ANXA8: variants seen among roughly 807,000 people sequenced by gnomAD.
The protein encoded by ANXA8 is VAC-beta.
A neutral mutation model predicts 26.8 loss-of-function variants in ANXA8; 9 were observed. The observed-to-expected ratio is 0.34, with a 90% CI of 0.20 to 0.59. The LOEUF (loss-of-function observed/expected upper bound fraction) is 0.59, where lower values mean the gene tolerates loss of function less well. ANXA8 is among the 20% of genes least tolerant of loss of function. The pLI, the probability that ANXA8 is intolerant of heterozygous loss-of-function variation, is 0.84. For synonymous variants in ANXA8, 39 were observed against 94.8 expected (o/e 0.41, Z 3.42); for missense variants, 83 against 238.5 (o/e 0.35, Z 4.29).
At chr10:47,673,506 C>A in the ANXA8 span, among the ~76,000 whole-genome samples, 1 of 146,924 alleles carries the variant, frequency 6.8e-6, no homozygotes, top group Non-Finnish European at 1.5e-5. Context: ...AAGGAAGCTG[C>A]CCTCCAGAAG....
At chr10:47,519,742 G>A in the ANXA8 span, among the ~76,000 whole-genome samples, 1 of 12,636 alleles carries the variant, frequency 7.9e-5, no homozygotes, top group Admixed American at 9.9e-4. Context: ...CTCAAGATGG[G>A]CAAAGTCTAC....
the ANXA8 span, among the ~76,000 whole-genome samples, chr10:47,674,001 A>C: frequency 6.6e-6 from 1 of 151,358 alleles, no homozygotes; most frequent in Non-Finnish European, 1.5e-5. Flanking sequence ...GTTTTTGATG[A>C]CTGACAGTTT....
the ANXA8 span, among the ~76,000 whole-genome samples, chr10:47,707,176 AAAAAAAAAC>A: frequency 1.2e-5 from 1 of 83,116 alleles, no homozygotes; most frequent in Non-Finnish European, 2.1e-5. Flanking sequence ...TCAAAAAAAC[AAAAAAAAAC>A]AAAAAAAAGA....
At chr10:47,744,914 C>T in the ANXA8 span, among the ~76,000 whole-genome samples, 1 of 151,944 alleles carries the variant, frequency 6.6e-6, no homozygotes, top group East Asian at 1.9e-4. Flanking sequence ...TAAAAATAGG[C>T]TCTGTTCAGC....
chr10:47,647,633 G>A, the ANXA8 span, among the ~76,000 whole-genome samples: 1 of 149,232 alleles, frequency 6.7e-6, no homozygotes, highest in Non-Finnish European at 1.5e-5. Context: ...TGGGACCAGG[G>A]TAATATTGGA....
chr10:47,977,583 G>A, the ANXA8 span, among the ~76,000 whole-genome samples: 4 of 151,410 alleles, frequency 2.6e-5, no homozygotes, highest in African/African-American at 7.2e-5. Context: ...GCATGACAAT[G>A]ATGTCTTACC....
chr10:47,485,545 A>G (rs1182269273), upstream of ANXA8, among the ~76,000 whole-genome samples: 1 of 152,160 alleles, frequency 6.6e-6, no homozygotes, highest in Non-Finnish European at 1.5e-5. Flanking sequence ...GAGATCCAGA[A>G]GTATGGTGAG....
chr10:47,685,366 AAG>A, the ANXA8 span, among the ~76,000 whole-genome samples: 53 of 140,502 alleles, frequency 3.8e-4, no homozygotes, highest in Middle Eastern at 3.7e-3. Context: ...AAAAAAGAAA[AAG>A]AAAAAAAAAC....
the ANXA8 span, among the ~76,000 whole-genome samples, chr10:47,546,448 G>A: frequency 8.5e-6 from 1 of 117,700 alleles, no homozygotes; most frequent in Non-Finnish European, 1.7e-5. Context: ...TGTTGCCCAG[G>A]CTGGAGTGCA....
the ANXA8 span, among the ~76,000 whole-genome samples, chr10:47,909,738 G>A: frequency 1.6e-5 from 2 of 124,284 alleles, no homozygotes; most frequent in East Asian, 2.2e-4. Context: ...CATTGAGCTC[G>A]CCTAGGTCAG....
chr10:47,709,376 A>G, the ANXA8 span, among the ~76,000 whole-genome samples: 1 of 150,812 alleles, frequency 6.6e-6, no homozygotes, highest in Non-Finnish European at 1.5e-5. Context: ...TTGGTCAGCA[A>G]TCAATCACGT....
intron 1 of ANXA8, among the ~76,000 whole-genome samples, chr10:47,483,604 C>T (rs1375625717): frequency 1.4e-5 from 2 of 143,430 alleles, no homozygotes; most frequent in African/African-American, 5.4e-5. Flanking sequence ...GATACCCCCT[C>T]CTTTGAGTGG....
At chr10:47,682,343 C>G in the ANXA8 span, among the ~76,000 whole-genome samples, 11,285 of 141,042 alleles carry the variant, frequency 0.08, 425 homozygotes, top group African/African-American at 0.22. Flanking sequence ...TATAGTCTAT[C>G]TCCAACCCTT....
At chr10:47,676,285 T>G in the ANXA8 span, among the ~76,000 whole-genome samples, 2 of 151,874 alleles carry the variant, frequency 1.3e-5, no homozygotes, top group Non-Finnish European at 2.9e-5. Context: ...GCTCAGGAAC[T>G]TCTAAAATTG....
chr10:47,559,779 C>T, the ANXA8 span, among the ~76,000 whole-genome samples: 1 of 151,870 alleles, frequency 6.6e-6, no homozygotes, highest in Non-Finnish European at 1.5e-5. Flanking sequence ...CACTTGCATT[C>T]ACTTCTATCC....
the ANXA8 span, among the ~76,000 whole-genome samples, chr10:47,500,192 C>A: frequency 1.3e-4 from 19 of 142,692 alleles, no homozygotes; most frequent in East Asian, 4.2e-3. Flanking sequence ...AGGCATGAAA[C>A]CACCATGCTT....
At chr10:47,679,838 A>C in the ANXA8 span, among the ~76,000 whole-genome samples, 1 of 151,796 alleles carries the variant, frequency 6.6e-6, no homozygotes, top group Non-Finnish European at 1.5e-5. Context: ...GGATTGCTTG[A>C]GCTTGGGAGG....
At chr10:47,664,522 C>G in the ANXA8 span, among the ~76,000 whole-genome samples, 5 of 151,178 alleles carry the variant, frequency 3.3e-5, no homozygotes, top group Non-Finnish European at 5.9e-5. Context: ...GAGCCGAGAT[C>G]ACGCCACTGC....
the ANXA8 span, among the ~76,000 whole-genome samples, chr10:47,515,431 T>C: frequency 4.1e-5 from 1 of 24,240 alleles, no homozygotes; most frequent in Non-Finnish European, 7.9e-5. Context: ...CCAGTTTGTC[T>C]TGCAGAACTA....
Sources: gnomAD v4.1 joint callset for allele counts (sites outside exome capture counted in the v4.1 genomes callset) on GRCh38, gnomAD v4.1.1 for gene constraint, MANE v1.5 for transcripts, NCBI Gene and HGNC (gene_info 2026-07-23, HGNC 2026-07-21) for gene names.